Variants in USP9X observed in about 807,000 individuals in gnomAD.
USP9X encodes the protein ubiquitin carboxyl-terminal hydrolase 9X.
A neutral mutation model predicts 190.3 loss-of-function variants in USP9X; 7 were observed. The ratio of observed to expected loss-of-function variants is 0.04; its 90% CI spans 0.02 to 0.07. The LOEUF is 0.07. Among genes scored for constraint, USP9X ranks in the 10% least tolerant of loss-of-function variants. The pLI is 1.00. For synonymous variants in USP9X, 645 were observed against 659.5 expected (o/e 0.98, Z 0.34); for missense variants, 1,010 against 1,916.9 (o/e 0.53, Z 8.83).
chrX:41,221,912 T>G (rs2063267047), intron 38 of USP9X, among the ~76,000 whole-genome samples: 1 of 110,715 alleles, frequency 9.0e-6, no homozygotes, highest in African/African-American at 3.3e-5. Context: ...GTGGAATCAG[T>G]GGATTTGGTG....
intron 11 of USP9X, among the ~76,000 whole-genome samples, chrX:41,147,465 T>C (rs1033450543): frequency 2.0e-5 from 2 of 99,056 alleles, no homozygotes; most frequent in African/African-American, 7.5e-5. Context: ...TTTTTTTTTT[T>C]TTTTTGGAGA....
chrX:41,173,793 C>A (rs766057958), intron 21 of USP9X, among the ~76,000 whole-genome samples: 21 of 111,562 alleles, frequency 1.9e-4, no homozygotes, highest in African/African-American at 6.8e-4. Context: ...GTTGAAAGTT[C>A]CAAAAAGCAA....
At position 41,086,081 on chromosome X, in the gene USP9X, T is replaced by G. The variant is rs1383047686; in HGVS notation, c.-187T>G. The G allele has an allele frequency of 6.8e-6, 2 of 295,712 alleles. No individual in the cohort carries two copies. The highest frequency in any genetic ancestry group is 5.5e-5 in the African/African-American group (2 of 36,456). 24.4% of individuals were successfully genotyped at this position (295,712 alleles called of 1,213,427 possible). A position where few individuals can be genotyped will look rare whatever the true frequency, so the allele number is the denominator to read the frequency against. ...TGGTGCCTCCCGCCTCCGTGTGCCCTGGTTGTGAGAAGACGTCTGTGTCGT... is the reference window on the plus strand; with the variant it reads ...TGGTGCCTCCCGCCTCCGTGTGCCCGGGTTGTGAGAAGACGTCTGTGTCGT... On this transcript the variant is annotated 5_prime_UTR_variant, in exon 1 of 45. Coordinates refer to ENST00000378308, the MANE Select transcript of USP9X (RefSeq NM_001039591.3).
intron 1 of USP9X, among the ~76,000 whole-genome samples, chrX:41,095,782 GTTTGTT>G (rs1485568822): frequency 8.9e-6 from 1 of 112,082 alleles, no homozygotes; most frequent in African/African-American, 3.2e-5. Context: ...TTAGATTTGT[GTTTGTT>G]TTTGAAAGAT....
rs184301453 is a variant in USP9X at position 41,198,770 on chromosome X, T to G, written c.4603+20T>G. ...TAACTAGTAAGTATTTTTAATAGAA[T>G]GTGATAATTGATCATTTCAATGTTT... On this transcript the variant is annotated intron_variant, in intron 30 of 44. Coordinates refer to ENST00000378308, the MANE Select transcript of USP9X (RefSeq NM_001039591.3). The G allele has an allele frequency of 5.0e-5, 56 of 1,122,166 alleles. No homozygotes were observed. In the East Asian group the frequency reaches 1.7e-3, roughly 35 times the overall value. 92.5% of individuals were successfully genotyped at this position (1,122,166 alleles called of 1,213,427 possible). A position where few individuals can be genotyped will look rare whatever the true frequency, so the allele number is the denominator to read the frequency against.
intron 4 of USP9X, among the ~76,000 whole-genome samples, chrX:41,134,462 T>C (rs965602769): frequency 1.8e-5 from 2 of 112,523 alleles, no homozygotes; most frequent in Non-Finnish European, 3.8e-5. Context: ...CAAAGACTTA[T>C]TTTCAGGGAG....
chrX:41,165,576 T>A (rs966658376), intron 15 of USP9X, among the ~76,000 whole-genome samples: 9 of 111,762 alleles, frequency 8.1e-5, no homozygotes, highest in Admixed American at 6.7e-4. Flanking sequence ...TTTCCAAAAG[T>A]CTGGTTTCAA....
chrX:41,099,093 ATTGTTTTT>A (rs2062014703), intron 1 of USP9X, among the ~76,000 whole-genome samples: 1 of 47,361 alleles, frequency 2.1e-5, no homozygotes, highest in Non-Finnish European at 3.6e-5. Flanking sequence ...TGCCCAGATA[ATTGTTTTT>A]TTTTTTTTTT....
At chrX:41,152,299 T>C (rs1353323221) in intron 13 of USP9X, among the ~76,000 whole-genome samples, 3 of 112,248 alleles carry the variant, frequency 2.7e-5, no homozygotes, top group Non-Finnish European at 5.6e-5. Flanking sequence ...CTCAAATGAA[T>C]GCATTTATCT....
chrX:41,222,053 G>A (rs906850004), intron 38 of USP9X, among the ~76,000 whole-genome samples: 2 of 111,684 alleles, frequency 1.8e-5, no homozygotes, highest in Non-Finnish European at 3.8e-5. Flanking sequence ...AAACATGTAT[G>A]TATGGGAAGA....
intron 1 of USP9X, among the ~76,000 whole-genome samples, chrX:41,109,406 T>A (rs752694661): frequency 8.9e-6 from 1 of 112,107 alleles, no homozygotes; most frequent in South Asian, 3.7e-4. Flanking sequence ...TTACTCTAAT[T>A]GTGTACGTAC....
At chrX:41,217,594 A>G (rs1161971178) in intron 36 of USP9X, among the ~76,000 whole-genome samples, 1 of 111,760 alleles carries the variant, frequency 8.9e-6, no homozygotes, top group Non-Finnish European at 1.9e-5. Context: ...ACCAAAGACT[A>G]CAAGCTGAGA....
At chrX:41,091,349 C>T (rs2061953956) in intron 1 of USP9X, among the ~76,000 whole-genome samples, 1 of 111,706 alleles carries the variant, frequency 9.0e-6, no homozygotes, top group Admixed American at 9.5e-5. Context: ...TAATTTTTGA[C>T]CAGAAATTAC....
intron 2 of USP9X, 93 bp from the exon 3 acceptor site, chrX:41,128,907 T>A (rs1048647171): frequency 1.0e-6 from 1 of 996,213 alleles, no homozygotes; most frequent in Non-Finnish European, 1.4e-6. Flanking sequence ...ACAAAATTTT[T>A]AAATCTGCAA....
chrX:41,178,202 G>A (rs1319907764), intron 21 of USP9X, among the ~76,000 whole-genome samples: 4 of 100,485 alleles, frequency 4.0e-5, no homozygotes, highest in African/African-American at 1.5e-4. Flanking sequence ...CTGGGTTCAG[G>A]TGATTCTCCT....
Position 41,197,352 on chromosome X carries a change from C to CCCCCCGGGGGGGGGGGGGG in USP9X, c.4234-12_4234-11insCCCCCGGGGGGGGGGGGGG. ...TTCTTCCCCCCCCCACCCCACCCCC[C>CCCCCCGGGGGGGGGGGGGG]GCCTTTGGCAGGATGATGTTAAAAG... On this transcript the variant is annotated splice_polypyrimidine_tract_variant and intron_variant, in intron 28 of 44. Transcript: ENST00000378308. 1.0e-6 allele frequency: 1 copy of CCCCCCGGGGGGGGGGGGGG among 988,228 alleles called. No individual in the cohort carries two copies. Among genetic ancestry groups the CCCCCCGGGGGGGGGGGGGG allele is most frequent in the Non-Finnish European group, 1.3e-6 (1 of 759,395 alleles). 81.4% of individuals were successfully genotyped at this position (988,228 alleles called of 1,213,427 possible).
At chrX:41,201,934 G>A (rs193013075) in intron 31 of USP9X, among the ~76,000 whole-genome samples, 1 of 111,374 alleles carries the variant, frequency 9.0e-6, no homozygotes, top group Admixed American at 9.5e-5. Flanking sequence ...TGGCACCAGT[G>A]CACTCCAGCC....
At chrX:41,125,137 G>A (rs746402070) in intron 2 of USP9X, among the ~76,000 whole-genome samples, 276 of 110,778 alleles carry the variant, frequency 2.5e-3, no homozygotes, top group Non-Finnish European at 3.8e-3. Context: ...GTGCAGTGGC[G>A]CGATCTTGGC....
intron 1 of USP9X, among the ~76,000 whole-genome samples, chrX:41,111,452 A>C (rs1286890240): frequency 8.9e-6 from 1 of 111,799 alleles, no homozygotes; most frequent in African/African-American, 3.3e-5. Context: ...TTGCCAATGA[A>C]TCCTTGGGAT....
Sources: allele counts gnomAD v4.1 joint callset (sites outside exome capture counted in the v4.1 genomes callset), GRCh38; gene constraint gnomAD v4.1.1; transcripts MANE v1.5; gene names NCBI Gene and HGNC (gene_info 2026-07-23, HGNC 2026-07-21).